The following XKR6 variants were observed in gnomAD, a reference collection of about 807,000 sequenced individuals.
XKR6 encodes XK related 6.
A neutral mutation model predicts 56.7 loss-of-function variants in XKR6; 22 were observed. That is an observed-to-expected ratio of 0.39 (90% CI 0.28 to 0.55). The LOEUF is 0.55. Ranked by LOEUF, XKR6 falls within the 20% of genes least tolerant of loss-of-function variation. The pLI, the probability that XKR6 is intolerant of heterozygous loss-of-function variation, is 0.66. For missense variants in XKR6, 852 were observed against 889.0 expected, an observed-to-expected ratio of 0.96 and a Z score of 0.53; for synonymous variants, 524 against 387.8, an observed-to-expected ratio of 1.35 and a Z score of -4.13.
intron 1 of XKR6, among the ~76,000 whole-genome samples, chr8:11,025,191 C>A (rs748489693): frequency 5.9e-5 from 9 of 152,206 alleles, no homozygotes; most frequent in Non-Finnish European, 1.0e-4. Flanking sequence ...GCCTCTTCTC[C>A]CAAACACACA....
chr8:10,941,932 G>A (rs1035762562), intron 1 of XKR6, among the ~76,000 whole-genome samples: 1 of 152,156 alleles, frequency 6.6e-6, no homozygotes, highest in Non-Finnish European at 1.5e-5. Context: ...GCTGCACTCC[G>A]ACCCCTTTGT....
chr8:10,931,343 C>A (rs1801044362), intron 1 of XKR6, among the ~76,000 whole-genome samples: 1 of 152,062 alleles, frequency 6.6e-6, no homozygotes, highest in Non-Finnish European at 1.5e-5. Flanking sequence ...AGTAAGATGA[C>A]AATTGCCCTC....
chr8:10,934,964 A>C (rs1801169841), intron 1 of XKR6, among the ~76,000 whole-genome samples: 1 of 101,788 alleles, frequency 9.8e-6, no homozygotes, highest in Admixed American at 8.5e-5. Context: ...GAATAGTTTC[A>C]GAAGGAATGG....
chr8:10,989,890 G>C (rs1330074591), intron 1 of XKR6, among the ~76,000 whole-genome samples: 1 of 152,186 alleles, frequency 6.6e-6, no homozygotes, highest in Non-Finnish European at 1.5e-5. Context: ...TGTCACTTCT[G>C]GTATCTTTTG....
intron 1 of XKR6, among the ~76,000 whole-genome samples, chr8:11,136,098 G>C (rs781689397): frequency 2.6e-4 from 39 of 152,050 alleles, no homozygotes; most frequent in Non-Finnish European, 5.0e-4. Flanking sequence ...ATAAAAACTA[G>C]TGCATCCCAC....
At chr8:10,918,925 C>T (rs900579398) in intron 2 of XKR6, among the ~76,000 whole-genome samples, 25 of 152,232 alleles carry the variant, frequency 1.6e-4, no homozygotes, top group African/African-American at 6.0e-4. Context: ...ACACCTGGCC[C>T]ACCACAGCCT....
At chr8:10,929,726 C>A (rs1374053676) in intron 1 of XKR6, among the ~76,000 whole-genome samples, 1 of 152,168 alleles carries the variant, frequency 6.6e-6, no homozygotes, top group Non-Finnish European at 1.5e-5. Flanking sequence ...TACCATAGTG[C>A]CCCCTCAGAG....
intron 1 of XKR6, among the ~76,000 whole-genome samples, chr8:11,158,710 G>A (rs1801645179): frequency 6.6e-6 from 1 of 152,192 alleles, no homozygotes; most frequent in Non-Finnish European, 1.5e-5. Flanking sequence ...CCTCCAGCAT[G>A]TGCACAGACA....
At chr8:10,958,005 A>G (rs10095390) in intron 1 of XKR6, among the ~76,000 whole-genome samples, 26,574 of 152,152 alleles carry the variant, frequency 0.17, 3,075 homozygotes, top group African/African-American at 0.33. Context: ...TGAAAGGAAA[A>G]AGAAACCCAC....
intron 1 of XKR6, among the ~76,000 whole-genome samples, chr8:11,016,000 C>T (rs1216306994): frequency 6.7e-6 from 1 of 150,264 alleles, no homozygotes; most frequent in South Asian, 2.1e-4. Context: ...CGATCCGGCT[C>T]GGTTTGGTCA....
rs116767615 is a variant in XKR6 at position 11,122,958 on chromosome 8, C to T, written c.764+77618G>A. Among the ~76,000 whole-genome samples, 512 of 152,242 alleles carry T rather than the reference C, an allele frequency of 3.4e-3. 1 individual carries two copies. The highest frequency in any genetic ancestry group is 0.01 in the African/African-American group (416 of 41,544). ...GTGATTAAAAAGCCCATGCCTCTGC[C>T]GGGTGCAGTGGCTCACGCCTGTAAT... On this transcript the variant is annotated intron_variant, in intron 1 of 2. Coordinates refer to ENST00000416569, the MANE Select transcript of XKR6 (RefSeq NM_173683.4).
At chr8:10,971,302 T>TCCCGG (rs1177381716) in intron 1 of XKR6, among the ~76,000 whole-genome samples, 1 of 151,660 alleles carries the variant, frequency 6.6e-6, no homozygotes, top group East Asian at 1.9e-4. Flanking sequence ...GCACCTGTAG[T>TCCCGG]CCCGGCTACT....
chr8:10,957,924 T>TA (rs35987493), intron 1 of XKR6, among the ~76,000 whole-genome samples: 5,085 of 148,166 alleles, frequency 0.034, 90 homozygotes, highest in Middle Eastern at 0.041. Flanking sequence ...ATCAAAGTGT[T>TA]AAAAAAAAAA....
intron 1 of XKR6, among the ~76,000 whole-genome samples, chr8:11,065,062 T>A (rs1257654696): frequency 6.6e-6 from 1 of 152,212 alleles, no homozygotes; most frequent in Admixed American, 6.5e-5. Flanking sequence ...TTTAAAAAAA[T>A]CATTATTGTA....
chr8:11,059,614 TGGGGGCGCG>T (rs1020135175), intron 1 of XKR6, among the ~76,000 whole-genome samples: 5 of 146,752 alleles, frequency 3.4e-5, no homozygotes, highest in African/African-American at 7.4e-5. Flanking sequence ...AGCAGGGCGC[TGGGGGCGCG>T]GGGGGCGCGG....
chr8:10,950,773 C>T (rs904793122), intron 1 of XKR6, among the ~76,000 whole-genome samples: 2 of 152,226 alleles, frequency 1.3e-5, no homozygotes, highest in Non-Finnish European at 2.9e-5. Flanking sequence ...GCCAAACCTT[C>T]GCCTCCCAAG....
At chr8:11,027,762 C>T (rs17152782) in intron 1 of XKR6, among the ~76,000 whole-genome samples, 12,499 of 152,146 alleles carry the variant, frequency 0.082, 1,675 homozygotes, top group African/African-American at 0.28. Flanking sequence ...GTAGGTACTC[C>T]GTGTGTTCAA....
intron 1 of XKR6, among the ~76,000 whole-genome samples, chr8:11,139,558 C>T (rs1249809976): frequency 2.6e-5 from 4 of 152,122 alleles, no homozygotes; most frequent in African/African-American, 9.7e-5. Flanking sequence ...GCCTCACCTC[C>T]TGGAACTCGG....
chr8:10,925,769 C>A (rs529876920), intron 1 of XKR6, among the ~76,000 whole-genome samples: 46 of 152,244 alleles, frequency 3.0e-4, no homozygotes, highest in Non-Finnish European at 1.3e-4. Flanking sequence ...AGATGATATG[C>A]ACAGTCGGCA....
Sources: allele counts gnomAD v4.1 joint callset (sites outside exome capture counted in the v4.1 genomes callset), GRCh38; gene constraint gnomAD v4.1.1; transcripts MANE v1.5; gene names NCBI Gene and HGNC (gene_info 2026-07-23, HGNC 2026-07-21).